Variants in TBC1D5 observed in about 807,000 individuals in gnomAD.
The protein encoded by TBC1D5 is TBC1 domain family member 5.
In TBC1D5, 75 loss-of-function variants were observed where a neutral mutation model predicts 100.3. That is an observed-to-expected ratio of 0.75 (90% confidence interval 0.62 to 0.91). The LOEUF is 0.91. Ranked by LOEUF, TBC1D5 falls within the 40% of genes least tolerant of loss-of-function variation. The pLI is 0.00. For synonymous variants in TBC1D5, 323 were observed against 325.6 expected (o/e 0.99, Z 0.09); for missense variants, 910 against 942.4 (o/e 0.97, Z 0.45).
exon 1 of TBC1D5, chr3:17,739,510 T>C (rs745860343): frequency 2.0e-5 from 3 of 152,034 alleles, no homozygotes; most frequent in Non-Finnish European, 4.4e-5. Context: ...CGCATACATG[T>C]AGGGTGGAGG....
At chr3:17,712,533 C>CTG (rs1418349944) in intron 1 of TBC1D5, among the ~76,000 whole-genome samples, 3 of 152,178 alleles carry the variant, frequency 2.0e-5, no homozygotes, top group Non-Finnish European at 2.9e-5. Context: ...AAACTTGCAT[C>CTG]TCTGCCATCC....
At chr3:17,303,728 T>TA (rs1298651389) in intron 14 of TBC1D5, among the ~76,000 whole-genome samples, 1 of 152,090 alleles carries the variant, frequency 6.6e-6, no homozygotes, top group Non-Finnish European at 1.5e-5. Context: ...CTTCCCTCTT[T>TA]ATACATCTTA....
chr3:17,545,044 A>T (rs1484416300), intron 2 of TBC1D5, among the ~76,000 whole-genome samples: 1 of 152,192 alleles, frequency 6.6e-6, no homozygotes, highest in East Asian at 1.9e-4. Context: ...CAGAGCTGTT[A>T]TGGATCAATT....
intron 1 of TBC1D5, among the ~76,000 whole-genome samples, chr3:17,721,566 A>C (rs2075705998): frequency 6.6e-6 from 1 of 151,964 alleles, no homozygotes; most frequent in African/African-American, 2.4e-5. Flanking sequence ...CTCTTTCATA[A>C]GTGTCATGAA....
At chr3:17,726,248 G>C (rs563598178) in intron 1 of TBC1D5, among the ~76,000 whole-genome samples, 1 of 152,172 alleles carries the variant, frequency 6.6e-6, no homozygotes, top group African/African-American at 2.4e-5. Flanking sequence ...GGGGTTGTAG[G>C]TCAAATGATA....
chr3:17,655,993 C>T (rs1167399900), intron 1 of TBC1D5, among the ~76,000 whole-genome samples: 2 of 152,132 alleles, frequency 1.3e-5, no homozygotes, highest in South Asian at 4.1e-4. Flanking sequence ...ACTTTGTTAC[C>T]GCAACCTTAG....
chr3:17,373,027 G>C (rs1162701158), intron 12 of TBC1D5, among the ~76,000 whole-genome samples: 1 of 152,098 alleles, frequency 6.6e-6, no homozygotes, highest in African/African-American at 2.4e-5. Context: ...TAAACAAATA[G>C]GAATGACTGT....
chr3:17,729,236 T>C (rs2153982682), intron 1 of TBC1D5, among the ~76,000 whole-genome samples: 1 of 151,846 alleles, frequency 6.6e-6, no homozygotes, highest in Middle Eastern at 3.4e-3. Context: ...AAGGCAGTTT[T>C]GCAGTTAAGT....
At chr3:17,305,094 T>C (rs768057481) in intron 14 of TBC1D5, among the ~76,000 whole-genome samples, 24 of 152,176 alleles carry the variant, frequency 1.6e-4, no homozygotes, top group Non-Finnish European at 3.1e-4. Flanking sequence ...AACCAGTCCA[T>C]TGAATCCACC....
intron 2 of TBC1D5, among the ~76,000 whole-genome samples, chr3:17,598,040 A>C: frequency 6.6e-6 from 1 of 150,826 alleles, no homozygotes; most frequent in Admixed American, 6.6e-5. Flanking sequence ...CTCTATCTAA[A>C]TGGGCCAAAA....
exon 22 of TBC1D5, chr3:17,157,988 T>A (rs2065737968): frequency 6.6e-6 from 1 of 152,206 alleles, no homozygotes; most frequent in South Asian, 2.1e-4. Flanking sequence ...CTTTCTGCAG[T>A]GATATTATTT....
chr3:17,163,856 T>C (rs2066327328), intron 21 of TBC1D5, among the ~76,000 whole-genome samples: 2 of 152,178 alleles, frequency 1.3e-5, no homozygotes, highest in Non-Finnish European at 2.9e-5. Context: ...TAATTTTAAA[T>C]AGATAGATAC....
intron 2 of TBC1D5, among the ~76,000 whole-genome samples, chr3:17,528,039 C>T (rs1453015634): frequency 6.7e-6 from 1 of 149,908 alleles, no homozygotes; most frequent in Admixed American, 6.6e-5. Context: ...CCCAATGCAA[C>T]AGTATTAGGT....
At chr3:17,711,302 G>A (rs2074712095) in intron 1 of TBC1D5, among the ~76,000 whole-genome samples, 1 of 152,058 alleles carries the variant, frequency 6.6e-6, no homozygotes. Context: ...TTTGCATTAT[G>A]AAGTACTTGA....
intron 13 of TBC1D5, among the ~76,000 whole-genome samples, chr3:17,346,031 G>A (rs557735585): frequency 6.6e-6 from 1 of 152,008 alleles, no homozygotes; most frequent in South Asian, 2.1e-4. Context: ...TAACTAACCT[G>A]CACATTGTGC....
chr3:17,427,824 G>T (rs2094368224), intron 4 of TBC1D5, among the ~76,000 whole-genome samples: 1 of 151,802 alleles, frequency 6.6e-6, no homozygotes, highest in East Asian at 1.9e-4. Context: ...TTACTCCTGA[G>T]TTTCCCAGAT....
intron 2 of TBC1D5, among the ~76,000 whole-genome samples, chr3:17,534,062 T>TA (rs1223075201): frequency 2.6e-5 from 4 of 152,236 alleles, no homozygotes; most frequent in Non-Finnish European, 5.9e-5. Context: ...ATGGAAGAGT[T>TA]AGAGTATTGT....
chr3:17,237,129 C>A (rs1442142362), intron 17 of TBC1D5, among the ~76,000 whole-genome samples: 1 of 152,114 alleles, frequency 6.6e-6, no homozygotes, highest in Non-Finnish European at 1.5e-5. Flanking sequence ...TTACTGTCAA[C>A]ACTAATTATT....
intron 13 of TBC1D5, among the ~76,000 whole-genome samples, chr3:17,318,818 T>TTA (rs1343147186): frequency 1.3e-5 from 2 of 152,202 alleles, no homozygotes; most frequent in Non-Finnish European, 2.9e-5. Context: ...GTCATCTGTG[T>TTA]GGTAGCTGGG....
Sources: allele counts gnomAD v4.1 joint callset (sites outside exome capture counted in the v4.1 genomes callset), GRCh38; gene constraint gnomAD v4.1.1; transcripts MANE v1.5; gene names NCBI Gene and HGNC (gene_info 2026-07-23, HGNC 2026-07-21).